The following MTF1 variants were observed in gnomAD, a reference collection of about 807,000 sequenced individuals.
MTF1 encodes the protein metal regulatory transcription factor 1.
A neutral mutation model predicts 70.4 loss-of-function variants in MTF1; 22 were observed. The observed-to-expected ratio is 0.31, with a 90% CI of 0.22 to 0.45. MTF1 has a LOEUF of 0.45. Ranked by LOEUF, MTF1 falls within the 20% of genes least tolerant of loss-of-function variation. The pLI is 1.00. For missense variants in MTF1, 649 were observed against 922.0 expected, an observed-to-expected ratio of 0.70 and a Z score of 3.83; for synonymous variants, 333 against 352.8, an observed-to-expected ratio of 0.94 and a Z score of 0.63.
chr1:37,839,804 G>C, intron 3 of MTF1, 116 bp downstream of exon 3: 1 of 801,988 alleles, frequency 1.2e-6, no homozygotes, highest in Non-Finnish European at 2.1e-6. Context: ...GTTGAACACA[G>C]CTGCGCTCTT....
At position 37,823,691 on chromosome 1, in the gene MTF1, A is replaced by G; in HGVS notation, c.1171+19T>C. 6.3e-7 allele frequency: 1 copy of G among 1,578,174 alleles called. No individual in the cohort carries two copies. The highest frequency in any genetic ancestry group is 8.7e-7 in the Non-Finnish European group (1 of 1,147,292). On this transcript the variant is annotated intron_variant, in intron 8 of 10. Transcript: ENST00000373036. ...CAGCAAGTGCTTAGATGTGAGTAGA[A>G]AGAGTCCGTGTGACAAACCTGTCTG...
intron 7 of MTF1, among the ~76,000 whole-genome samples, chr1:37,825,197 T>C (rs112066520): frequency 0.013 from 1,939 of 152,280 alleles, 31 homozygotes; most frequent in African/African-American, 0.034. Context: ...CATGGGAATA[T>C]GCAGGCCAGG....
intron 1 of MTF1, among the ~76,000 whole-genome samples, chr1:37,859,219 G>C (rs1240295226): frequency 6.6e-6 from 1 of 152,248 alleles, no homozygotes; most frequent in Non-Finnish European, 1.5e-5. Flanking sequence ...CCAACGAGGA[G>C]TGCGAACAGA....
chr1:37,826,068 C>T (rs1186094626), intron 7 of MTF1, among the ~76,000 whole-genome samples: 1 of 152,202 alleles, frequency 6.6e-6, no homozygotes, highest in African/African-American at 2.4e-5. Flanking sequence ...CTTAAACACA[C>T]TGTATATACC....
chr1:37,859,051 C>G (rs1641551866), intron 1 of MTF1, among the ~76,000 whole-genome samples: 1 of 152,198 alleles, frequency 6.6e-6, no homozygotes, highest in South Asian at 2.1e-4. Flanking sequence ...CGGCCCGACC[C>G]CTAGCTCTGG....
chr1:37,834,989 C>CAG, intron 6 of MTF1, 90 bp downstream of exon 6: 1 of 1,406,446 alleles, frequency 7.1e-7, no homozygotes, highest in Non-Finnish European at 9.9e-7. Context: ...AACAGATATA[C>CAG]AGAGAAGACA....
intron 2 of MTF1, among the ~76,000 whole-genome samples, chr1:37,855,749 G>C (rs569678442): frequency 6.6e-6 from 1 of 152,256 alleles, no homozygotes; most frequent in African/African-American, 2.4e-5. Flanking sequence ...CTGAGGTCAA[G>C]AGTTCGAGAC....
At chr1:37,850,701 T>C (rs1641404833) in intron 2 of MTF1, among the ~76,000 whole-genome samples, 1 of 152,030 alleles carries the variant, frequency 6.6e-6, no homozygotes, top group African/African-American at 2.4e-5. Context: ...GAAAAGACTA[T>C]CTGTGGCAAG....
intron 7 of MTF1, among the ~76,000 whole-genome samples, chr1:37,827,169 CCTTA>C (rs1641014493): frequency 6.6e-6 from 1 of 152,004 alleles, no homozygotes; most frequent in Non-Finnish European, 1.5e-5. Context: ...CAGACCTTAT[CCTTA>C]CTATGTGCAA....
Position 37,815,507 on chromosome 1 carries a change from C to G in MTF1, c.1891G>C (p.Ala631Pro), listed in dbSNP as rs200294506. 252 of 1,554,218 alleles carry G rather than the reference C, an allele frequency of 1.6e-4. 1 individual carries two copies. The Admixed American group carries it at 4.8e-3, about 29-fold the overall frequency. ...CGGCATGCACACTGACACTGACATG[C>G]CTCTTCTTGTTTGATGATGATCACA... is the stretch of plus-strand genomic sequence containing the variant. ...VPVIIIKQEE[A>P]CQCQCACRDS... Residue 631 changes from alanine to proline, a missense_variant, in exon 11 of 11, where the codon GCA (alanine) becomes CCA (proline). Ala to Pro is a conservative substitution (Grantham distance 27, BLOSUM62 -1). This residue lies in a region of MTF1 where 39 missense variants were observed against 97.8 expected (regional missense o/e 0.40). Transcript: ENST00000373036. This position sits in a 1 kb window ranked among gnomAD's most constrained non-coding sequence, Gnocchi z 4.5.
chr1:37,838,761 A>G lies in MTF1; in HGVS notation c.648-5T>C, dbSNP rs772167130. ...AGCCTCTGATGTGCTTTCAGCCTGC[A>G]AAATATTCCAGAAAAATTCCCTTTG... is the stretch of plus-strand genomic sequence containing the variant. On this transcript the variant is annotated splice_region_variant and splice_polypyrimidine_tract_variant and intron_variant, in intron 3 of 10. Transcript: ENST00000373036. 1 of 1,472,348 alleles carries G rather than the reference A, an allele frequency of 6.8e-7. No individual in the cohort carries two copies. Among genetic ancestry groups the G allele is most frequent in the Non-Finnish European group, 9.1e-7 (1 of 1,100,000 alleles). 91.2% of individuals were successfully genotyped at this position (1,472,348 alleles called of 1,614,324 possible). A position where few individuals can be genotyped will look rare whatever the true frequency, so the allele number is the denominator to read the frequency against.
intron 2 of MTF1, among the ~76,000 whole-genome samples, chr1:37,854,246 T>C (rs1641457626): frequency 6.6e-6 from 1 of 152,190 alleles, no homozygotes; most frequent in Non-Finnish European, 1.5e-5. Flanking sequence ...TGACCTCAGG[T>C]GATCCACCAG....
chr1:37,814,315 T>C lies in MTF1; in HGVS notation c.*821A>G, dbSNP rs3748682. 0.24 allele frequency: 36,455 copies of C among 152,058 alleles called. 4,985 individuals carry two copies. The highest frequency in any genetic ancestry group is 0.3 in the Non-Finnish European group (20,366 of 68,008). 9.4% of individuals were successfully genotyped at this position (152,058 alleles called of 1,614,324 possible). On this transcript the variant is annotated 3_prime_UTR_variant, in exon 11 of 11. Coordinates refer to ENST00000373036, the MANE Select transcript of MTF1 (RefSeq NM_005955.3). ...AGTTCACTCTAGGACAAAACAGCGA[T>C]GTTCCCCAAGGAAAATTCACTGCGA...
chr1:37,824,802 G>A (rs1640976544), intron 7 of MTF1, among the ~76,000 whole-genome samples: 1 of 152,098 alleles, frequency 6.6e-6, no homozygotes, highest in Non-Finnish European at 1.5e-5. Context: ...ATTCTAGTAT[G>A]TATGCATGGT....
rs773047552 is a variant in MTF1 at position 37,822,488 on chromosome 1, G to A, written c.1400C>T (p.Pro467Leu). 6.2e-7 allele frequency: 1 copy of A among 1,614,160 alleles called. No individual in the cohort carries two copies. Among genetic ancestry groups the A allele is most frequent in the Admixed American group, 1.7e-5 (1 of 60,006 alleles). ...GCTGTGGGGAACAGGCACTTCTGGA[G>A]GTTGTAAGAGAGCAGGGGGGTTGCC... ...AFGNPPALLQ[P>L]PEVPVPHSTQ... is the part of the protein sequence containing the mutation. Residue 467 changes from proline to leucine, a missense_variant, in exon 9 of 11, where the codon CCT (proline) becomes CTT (leucine). Pro to Leu is a moderately conservative substitution (Grantham distance 98). Coordinates refer to ENST00000373036, the MANE Select transcript of MTF1 (RefSeq NM_005955.3).
rs201554271 is a variant in MTF1, at chr1:37,815,176, C to T, written c.2222G>A (p.Gly741Glu). ...NLIPIEALLQ[G>E]EEEMGLTSSF... is the part of the protein sequence containing the mutation. Reference sequence around the variant, plus strand: ...GCTGGTGAGGCCCATCTCCTCCTCCCCCTGCAGTAGTGCTTCAATGGGAAT... The same window carrying T: ...GCTGGTGAGGCCCATCTCCTCCTCCTCCTGCAGTAGTGCTTCAATGGGAAT... Residue 741 changes from glycine to glutamate, a missense_variant, in exon 11 of 11, where the codon GGG becomes GAG. Coordinates refer to ENST00000373036, the MANE Select transcript of MTF1 (RefSeq NM_005955.3). This position sits in a 1 kb window ranked among gnomAD's most constrained non-coding sequence, Gnocchi z 4.5. 8 of 1,614,180 alleles carry T rather than the reference C, an allele frequency of 5.0e-6. No individual in the cohort carries two copies. Among genetic ancestry groups the T allele is most frequent in the Non-Finnish European group, 5.9e-6 (7 of 1,180,032 alleles).
rs1196938754 is a variant in MTF1 at position 37,815,264 on chromosome 1, A to G, written c.2134T>C (p.Leu712=). 6.2e-7 allele frequency: 1 copy of G among 1,613,954 alleles called. No homozygotes were observed. Among genetic ancestry groups the G allele is most frequent in the Non-Finnish European group, 8.5e-7 (1 of 1,180,016 alleles). The change falls in exon 11 of 11, where the codon TTA becomes CTA. Residue 712 remains leucine (L), a synonymous_variant. Transcript: ENST00000373036. The surrounding 1 kb of genome is among the most constrained non-coding windows in gnomAD (Gnocchi z 4.5). ...AACTCTGACACATCCATGGCACTTA[A>G]TGTTTCTGTCTGAGGGTCTGAAGGA... The part of the protein sequence containing the change: ...ETPSDPQTET[L]SAMDVSEFLS...
At position 37,824,352 on chromosome 1, in the gene MTF1, CA is replaced by C. The variant is rs150674626; in HGVS notation, c.1069-541del. 2.1e-3 allele frequency among the ~76,000 whole-genome samples: 315 copies of C among 151,898 alleles called. 2 individuals carry two copies. The highest frequency in any genetic ancestry group is 6.9e-3 in the African/African-American group (287 of 41,428). On this transcript the variant is annotated intron_variant, in intron 7 of 10. Coordinates refer to ENST00000373036, the MANE Select transcript of MTF1 (RefSeq NM_005955.3). ...AAATATTTACTGTCTGGCTCATTACCAAAAAAAACCTTGCTGACTTCTGATC... is the reference window on the plus strand; with the variant it reads ...AAATATTTACTGTCTGGCTCATTACCAAAAAAACCTTGCTGACTTCTGATC...
At chr1:37,825,726 C>T (rs1050063009) in intron 7 of MTF1, among the ~76,000 whole-genome samples, 7 of 152,170 alleles carry the variant, frequency 4.6e-5, no homozygotes, top group African/African-American at 1.7e-4. Context: ...AATGTGAAGA[C>T]GATGAGGATG....
Sources: allele counts gnomAD v4.1 joint callset (sites outside exome capture counted in the v4.1 genomes callset), GRCh38; gene constraint gnomAD v4.1.1; regional missense constraint gnomAD v4.1.1; non-coding constraint Gnocchi (gnomAD v3.1); transcripts MANE v1.5; gene names NCBI Gene and HGNC (gene_info 2026-07-23, HGNC 2026-07-21).